Variants in LRCH1 observed in about 807,000 individuals in gnomAD.
LRCH1 encodes leucine-rich repeat and calponin homology domain-containing protein 1.
Under a neutral mutation model 94.9 loss-of-function variants are expected in LRCH1, and 23 were observed. That is an observed-to-expected ratio of 0.24 (90% confidence interval 0.17 to 0.34). The LOEUF (loss-of-function observed/expected upper bound fraction) is 0.34, where lower values mean the gene tolerates loss of function less well. Ranked by LOEUF, LRCH1 falls within the 10% of genes least tolerant of loss-of-function variation. The pLI is 1.00. For missense variants in LRCH1, 790 were observed against 945.9 expected (o/e 0.84, Z 2.16); for synonymous variants, 364 against 354.9 (o/e 1.03, Z -0.29).
chr13:46,642,677 C>T (rs7999058), intron 1 of LRCH1, among the ~76,000 whole-genome samples: 5 of 152,012 alleles, frequency 3.3e-5, no homozygotes, highest in African/African-American at 1.2e-4. Flanking sequence ...CCCAAATCAG[C>T]TTATTTCTCA....
chr13:46,558,502 G>T (rs1488708477), intron 1 of LRCH1, among the ~76,000 whole-genome samples: 2 of 147,036 alleles, frequency 1.4e-5, no homozygotes, highest in African/African-American at 2.6e-5. Context: ...TTGGGAGGCT[G>T]AGGCGGGTGG....
At chr13:46,556,708 G>C (rs986836380) in intron 1 of LRCH1, among the ~76,000 whole-genome samples, 3 of 152,164 alleles carry the variant, frequency 2.0e-5, no homozygotes, top group Admixed American at 6.5e-5. Flanking sequence ...GTCAACCGGT[G>C]ATTGGAACCC....
intron 18 of LRCH1, among the ~76,000 whole-genome samples, chr13:46,730,301 T>A (rs961458904): frequency 2.0e-5 from 3 of 152,244 alleles, no homozygotes; most frequent in African/African-American, 7.2e-5. Flanking sequence ...AGATACTTCA[T>A]GTAATTTACA....
intron 1 of LRCH1, among the ~76,000 whole-genome samples, chr13:46,598,388 G>A (rs1262010008): frequency 1.3e-5 from 2 of 151,740 alleles, no homozygotes; most frequent in African/African-American, 4.8e-5. Context: ...ACAGGAACTT[G>A]CTTGTCTCGG....
chr13:46,695,050 C>T (rs759634250), intron 9 of LRCH1, 33 bp downstream of exon 9: 2 of 1,610,286 alleles, frequency 1.2e-6, no homozygotes, highest in Admixed American at 3.4e-5. Flanking sequence ...CGTTTTTTTA[C>T]TTATTTCCTT....
intron 3 of LRCH1, among the ~76,000 whole-genome samples, chr13:46,676,603 TTAAA>T (rs1483454506): frequency 6.6e-6 from 1 of 152,078 alleles, no homozygotes; most frequent in African/African-American, 2.4e-5. Flanking sequence ...TTTTATTCAA[TTAAA>T]TAAAGAGCTA....
At chr13:46,704,903 A>G (rs1034259150) in intron 11 of LRCH1, among the ~76,000 whole-genome samples, 165 bp from the exon 12 acceptor site, 5 of 152,158 alleles carry the variant, frequency 3.3e-5, no homozygotes, top group Non-Finnish European at 5.9e-5. Flanking sequence ...CAGTGGGAAA[A>G]TACCATGCAC....
chr13:46,711,687 C>T lies in LRCH1; in HGVS notation c.1528-104C>T. The stretch of plus-strand genomic sequence containing the variant: ...ATTAATTCAACAGATATTCATTGTG[C>T]ACCTATGGACCGGGGACATGATGGC... On this transcript the variant is annotated intron_variant, in intron 13 of 19. Coordinates refer to ENST00000389797, the MANE Select transcript of LRCH1 (RefSeq NM_001164211.2). 6 of 723,514 alleles carry T rather than the reference C, an allele frequency of 8.3e-6. No individual in the cohort carries two copies. In the South Asian group the frequency reaches 1.1e-4, roughly 14 times the overall value. 44.8% of individuals were successfully genotyped at this position (723,514 alleles called of 1,614,324 possible). A position where few individuals can be genotyped will look rare whatever the true frequency, so the allele number is the denominator to read the frequency against.
At chr13:46,582,669 T>TTTTTTTTTTTTTTTTTTTTTTTTTTA in intron 1 of LRCH1, among the ~76,000 whole-genome samples, 1 of 124,634 alleles carries the variant, frequency 8.0e-6, no homozygotes, top group Non-Finnish European at 1.7e-5. Flanking sequence ...TTTTTTTTTT[T>TTTTTTTTTTTTTTTTTTTTTTTTTTA]TTTGTATTTT....
chr13:46,635,628 G>A (rs1175497671), intron 1 of LRCH1, among the ~76,000 whole-genome samples: 4 of 151,832 alleles, frequency 2.6e-5, no homozygotes, highest in Admixed American at 6.6e-5. Context: ...CCGCCACCAC[G>A]CCCAGCTAAT....
intron 1 of LRCH1, among the ~76,000 whole-genome samples, chr13:46,627,641 CG>C (rs2050966615): frequency 3.9e-5 from 6 of 152,130 alleles, no homozygotes; most frequent in Admixed American, 3.9e-4. Context: ...CATGCACACA[CG>C]TATGGCAAAG....
intron 1 of LRCH1, among the ~76,000 whole-genome samples, chr13:46,633,911 C>T (rs1023106235): frequency 1.4e-5 from 2 of 145,056 alleles, no homozygotes; most frequent in African/African-American, 2.6e-5. Flanking sequence ...GATGGAGTCT[C>T]GCTCTGTCGC....
At chr13:46,737,182 A>C (rs1350115815) in intron 19 of LRCH1, among the ~76,000 whole-genome samples, 1 of 152,194 alleles carries the variant, frequency 6.6e-6, no homozygotes, top group Non-Finnish European at 1.5e-5. Context: ...ATGTCTGTGC[A>C]GGTTGTGGCA....
At chr13:46,688,459 TTTCAAA>T (rs1287878774) in intron 6 of LRCH1, among the ~76,000 whole-genome samples, 15 of 152,312 alleles carry the variant, frequency 9.8e-5, no homozygotes, top group African/African-American at 3.6e-4. Context: ...CCACTTCCTG[TTTCAAA>T]TGGAAAAGTT....
chr13:46,746,302 TAGG>T (rs1331595453), downstream of LRCH1, among the ~76,000 whole-genome samples: 7 of 152,204 alleles, frequency 4.6e-5, no homozygotes, highest in Non-Finnish European at 7.3e-5. Flanking sequence ...GCCAGGCACA[TAGG>T]AGGTAGCCCA....
At chr13:46,614,047 A>G (rs2050777116) in intron 1 of LRCH1, among the ~76,000 whole-genome samples, 2 of 152,054 alleles carry the variant, frequency 1.3e-5, no homozygotes, top group South Asian at 2.1e-4. Context: ...TTTGATATAC[A>G]TATTCCTAGT....
chr13:46,750,499 C>A, intron 18 of LRCH1: 1 of 1,342,246 alleles, frequency 7.5e-7, no homozygotes, highest in South Asian at 1.3e-5. Flanking sequence ...AATGAGAGTA[C>A]AATCATCTAA....
intron 3 of LRCH1, chr13:46,680,304 C>T (rs755878396): frequency 6.6e-6 from 1 of 152,178 alleles, no homozygotes; most frequent in Admixed American, 6.5e-5. Flanking sequence ...TTACTTTATA[C>T]TTGGCACTCC....
chr13:46,657,507 T>TC lies in LRCH1; in HGVS notation c.452+7162_452+7163insC, dbSNP rs1250464342. Among the ~76,000 whole-genome samples, 16 of 30,494 alleles carry TC rather than the reference T, an allele frequency of 5.2e-4. 1 individual carries two copies. The highest frequency in any genetic ancestry group is 2.1e-3 in the African/African-American group (14 of 6,776). The allele number at this position is 30,494 out of a possible 152,430, so 20.0% of individuals were successfully genotyped here. A position where few individuals can be genotyped will look rare whatever the true frequency, so the allele number is the denominator to read the frequency against. On this transcript the variant is annotated intron_variant, in intron 2 of 19. Coordinates refer to ENST00000389797, the MANE Select transcript of LRCH1 (RefSeq NM_001164211.2). Reference sequence around the variant, plus strand: ...TACTTTTTCTTTTCTTTTCTTTTTTTTTTTTTTTTTTTTTTTTTTTTTTTT... The same window carrying TC: ...TACTTTTTCTTTTCTTTTCTTTTTTTCTTTTTTTTTTTTTTTTTTTTTTTTT...
Sources: allele counts gnomAD v4.1 joint callset (sites outside exome capture counted in the v4.1 genomes callset), GRCh38; gene constraint gnomAD v4.1.1; transcripts MANE v1.5; gene names NCBI Gene and HGNC (gene_info 2026-07-23, HGNC 2026-07-21).